Variants in ROBO1 observed in about 807,000 individuals in gnomAD.
The protein encoded by ROBO1 is roundabout guidance receptor 1, also known as roundabout homolog 1.
In ROBO1, 149 loss-of-function variants were observed where a neutral mutation model predicts 195.9. The observed-to-expected ratio is 0.76, with a 90% confidence interval of 0.67 to 0.87. The LOEUF (loss-of-function observed/expected upper bound fraction) is 0.87, where lower values mean the gene tolerates loss of function less well. ROBO1 is among the 40% of genes least tolerant of loss of function. The pLI is 0.00. For synonymous variants in ROBO1, 816 were observed against 733.2 expected (o/e 1.11, Z -1.82); for missense variants, 1,933 against 2,068.3 (o/e 0.93, Z 1.27).
Position 78,930,713 on chromosome 3 carries a change from T to C in ROBO1, c.499+7888A>G, listed in dbSNP as rs113512329. Among the ~76,000 whole-genome samples the C allele has an allele frequency of 4.2e-3, 636 of 152,300 alleles. 5 individuals are homozygous for C. Among genetic ancestry groups the C allele is most frequent in the African/African-American group, 0.015 (618 of 41,562 alleles). On this transcript the variant is annotated intron_variant, in intron 4 of 30. Coordinates refer to ENST00000464233, the MANE Select transcript of ROBO1 (RefSeq NM_002941.4). ...TCTTTGGTCCCCAAATCTAATCCTCTCTTTTCTTTTCATCTCTATTACTAC... is the reference window on the plus strand; with the variant it reads ...TCTTTGGTCCCCAAATCTAATCCTCCCTTTTCTTTTCATCTCTATTACTAC...
intron 2 of ROBO1, among the ~76,000 whole-genome samples, chr3:79,185,908 T>A (rs982950712): frequency 6.6e-6 from 1 of 152,270 alleles, no homozygotes; most frequent in African/African-American, 2.4e-5. Flanking sequence ...ATGTGTAAAT[T>A]TTATGTCACC....
chr3:79,696,514 G>GA (rs939942178), intron 1 of ROBO1, among the ~76,000 whole-genome samples: 79 of 150,054 alleles, frequency 5.3e-4, no homozygotes, highest in African/African-American at 1.9e-3. Context: ...GGTATAGAAG[G>GA]AAAAAAGACA....
chr3:78,884,233 T>C (rs112386808), intron 4 of ROBO1, among the ~76,000 whole-genome samples: 19 of 152,270 alleles, frequency 1.2e-4, no homozygotes, highest in African/African-American at 4.6e-4. Flanking sequence ...CAGACCTGCA[T>C]CTTAGAAATT....
At chr3:79,286,041 A>C (rs765899750) in intron 2 of ROBO1, among the ~76,000 whole-genome samples, 5 of 152,202 alleles carry the variant, frequency 3.3e-5, no homozygotes, top group Admixed American at 2.0e-4. Context: ...TAAACTTGTA[A>C]GTCATTAATA....
chr3:78,890,742 G>A (rs376291002), intron 4 of ROBO1, among the ~76,000 whole-genome samples: 110 of 152,090 alleles, frequency 7.2e-4, no homozygotes, highest in African/African-American at 2.5e-3. Flanking sequence ...GCTTCATTTC[G>A]TGTTTTTATT....
intron 4 of ROBO1, among the ~76,000 whole-genome samples, chr3:78,871,660 A>C (rs531246868): frequency 2.7e-5 from 4 of 150,724 alleles, no homozygotes; most frequent in Admixed American, 1.3e-4. Context: ...AAAAGAATGC[A>C]AGTTAAATTT....
chr3:79,587,869 G>C (rs1005771331), intron 2 of ROBO1, among the ~76,000 whole-genome samples: 2 of 151,764 alleles, frequency 1.3e-5, no homozygotes, highest in African/African-American at 4.8e-5. Context: ...GATGGAGGCA[G>C]TTATGAAAAT....
At chr3:79,067,026 T>C (rs1014414528) in intron 3 of ROBO1, among the ~76,000 whole-genome samples, 1 of 151,930 alleles carries the variant, frequency 6.6e-6, no homozygotes, top group Non-Finnish European at 1.5e-5. Flanking sequence ...GCTGACTAGA[T>C]ACCATTAAAA....
rs2082099143 is a variant in ROBO1 at position 79,219,247 on chromosome 3, T to C, written c.89-93708A>G. ...GGGAAAATGTGCTAAGTATTACCTG[T>C]GTGATGGGTATACAAAGTTACATAA... On this transcript the variant is annotated intron_variant, in intron 2 of 30. Transcript: ENST00000464233. Among the ~76,000 whole-genome samples, 7 of 152,106 alleles carry C rather than the reference T, an allele frequency of 4.6e-5. No individual in the cohort carries two copies. In the South Asian group the frequency reaches 1.2e-3, roughly 27 times the overall value.
intron 8 of ROBO1, among the ~76,000 whole-genome samples, chr3:78,699,683 G>A (rs1309001268): frequency 6.6e-6 from 1 of 151,744 alleles, no homozygotes; most frequent in East Asian, 1.9e-4. Context: ...TTTTAAAATA[G>A]AAAACTAAAT....
At chr3:78,937,829 G>A (rs2107680026) in intron 4 of ROBO1, among the ~76,000 whole-genome samples, 1 of 152,146 alleles carries the variant, frequency 6.6e-6, no homozygotes, top group South Asian at 2.1e-4. Context: ...TTTTGATATA[G>A]CTTTAATAGA....
At chr3:79,584,387 T>G (rs1286792287) in intron 2 of ROBO1, among the ~76,000 whole-genome samples, 1 of 150,942 alleles carries the variant, frequency 6.6e-6, no homozygotes, top group Non-Finnish European at 1.5e-5. Flanking sequence ...CTTCCATTTC[T>G]CACCTTTGGG....
rs182239684 is a variant in ROBO1, at chr3:79,661,886, A to G, written c.-50-71925T>C. On this transcript the variant is annotated intron_variant, in intron 1 of 30. Transcript: ENST00000464233. Reference sequence around the variant, plus strand: ...TCCAGTCAAGAGACAATGTGGAATGATTTTTACTGCATCTTCCATTGTACT... The same window carrying G: ...TCCAGTCAAGAGACAATGTGGAATGGTTTTTACTGCATCTTCCATTGTACT... Among the ~76,000 whole-genome samples the G allele has an allele frequency of 3.3e-4, 50 of 152,092 alleles. 1 individual carries two copies. The East Asian group carries it at 8.9e-3, about 27-fold the overall frequency.
At chr3:79,649,777 G>T (rs1945945607) in intron 1 of ROBO1, among the ~76,000 whole-genome samples, 1 of 151,946 alleles carries the variant, frequency 6.6e-6, no homozygotes. Context: ...AATGAACATG[G>T]GCACTATCCA....
chr3:79,407,413 C>T (rs1487086047), intron 2 of ROBO1, among the ~76,000 whole-genome samples: 2 of 152,048 alleles, frequency 1.3e-5, no homozygotes, highest in Admixed American at 6.6e-5. Flanking sequence ...CCTCTTTAAA[C>T]GTTGTGAAAA....
chr3:79,519,168 A>T (rs1297715979), intron 2 of ROBO1, among the ~76,000 whole-genome samples: 1 of 152,186 alleles, frequency 6.6e-6, no homozygotes, highest in Non-Finnish European at 1.5e-5. Context: ...AGCAAGAAGC[A>T]TGCTATTCTT....
At chr3:79,188,047 T>C (rs1248504175) in intron 2 of ROBO1, among the ~76,000 whole-genome samples, 1 of 151,906 alleles carries the variant, frequency 6.6e-6, no homozygotes, top group East Asian at 1.9e-4. Context: ...TTCCTATTTT[T>C]ATACTGAGTG....
intron 20 of ROBO1, 150 bp downstream of exon 20, chr3:78,647,479 C>A: frequency 1.3e-6 from 1 of 755,664 alleles, no homozygotes; most frequent in South Asian, 1.6e-5. Flanking sequence ...ACCTTAAACA[C>A]ATGCCTGGTG....
chr3:79,232,261 AT>A (rs1334358848), intron 2 of ROBO1, among the ~76,000 whole-genome samples: 10 of 138,564 alleles, frequency 7.2e-5, no homozygotes, highest in East Asian at 4.2e-4. Flanking sequence ...AAAAAAAAAA[AT>A]ATATATATAT....
Sources: allele counts gnomAD v4.1 joint callset (sites outside exome capture counted in the v4.1 genomes callset), GRCh38; gene constraint gnomAD v4.1.1; transcripts MANE v1.5; gene names NCBI Gene and HGNC (gene_info 2026-07-23, HGNC 2026-07-21).